The following FAM78B variants were observed in gnomAD, a reference collection of about 807,000 sequenced individuals.
FAM78B encodes the protein protein FAM78B.
In FAM78B, 10 loss-of-function variants were observed where a neutral mutation model predicts 20.0. That is an observed-to-expected ratio of 0.50 (90% CI 0.31 to 0.85). The LOEUF is 0.85. Among genes scored for constraint, FAM78B ranks in the 40% least tolerant of loss-of-function variants. The pLI, the probability that FAM78B is intolerant of heterozygous loss-of-function variation, is 0.05. For missense variants in FAM78B, 283 were observed against 345.0 expected, an observed-to-expected ratio of 0.82 and a Z score of 1.42; for synonymous variants, 135 against 132.8, an observed-to-expected ratio of 1.02 and a Z score of -0.12.
rs1553219391 is a variant in FAM78B at position 166,109,844 on chromosome 1, A to ATATG, written c.264-39082_264-39081insCATA. 4.5e-4 allele frequency among the ~76,000 whole-genome samples: 12 copies of ATATG among 26,504 alleles called. 1 individual carries two copies. The highest frequency in any genetic ancestry group is 5.9e-4 in the Non-Finnish European group (7 of 11,888). The allele number at this position is 26,504 out of a possible 152,430, so 17.4% of individuals were successfully genotyped here. ...TATATATATATATGTATATATGTATATATATATATATATATATGTATGTGT... is the reference window on the plus strand; with the variant it reads ...TATATATATATATGTATATATGTATATATGTATATATATATATATATGTATGTGT... On this transcript the variant is annotated intron_variant, in intron 1 of 1. Coordinates refer to ENST00000354422, the MANE Select transcript of FAM78B (RefSeq NM_001017961.5).
intron 1 of FAM78B, among the ~76,000 whole-genome samples, chr1:166,135,593 T>C (rs1306804663): frequency 6.6e-6 from 1 of 152,252 alleles, no homozygotes; most frequent in African/African-American, 2.4e-5. Flanking sequence ...GGTGAAGACA[T>C]TCTCCTTAAA....
At chr1:166,073,754 C>A (rs1452714881) in intron 1 of FAM78B, among the ~76,000 whole-genome samples, 1 of 152,170 alleles carries the variant, frequency 6.6e-6, no homozygotes, top group Non-Finnish European at 1.5e-5. Flanking sequence ...CTGAACTCAT[C>A]ATTTCCACCA....
Position 166,137,892 on chromosome 1 carries a change from G to A in FAM78B, c.263+28094C>T, listed in dbSNP as rs148085196. ...TCCCCACATGCAGGAATGCAGGAGG[G>A]AACCAAGGTTAACAGCAGAAACAGA... On this transcript the variant is annotated intron_variant, in intron 1 of 1. Transcript: ENST00000354422. Among the ~76,000 whole-genome samples, 579 of 152,324 alleles carry A rather than the reference G, an allele frequency of 3.8e-3. 2 individuals are homozygous for A. Among genetic ancestry groups the A allele is most frequent in the Non-Finnish European group, 6.7e-3 (455 of 68,028 alleles).
At chr1:166,106,076 A>T (rs1309048837) in intron 1 of FAM78B, among the ~76,000 whole-genome samples, 5 of 151,886 alleles carry the variant, frequency 3.3e-5, no homozygotes, top group Admixed American at 6.6e-5. Context: ...TGAAGATGGA[A>T]ACCATCATTC....
Position 166,109,839 on chromosome 1 carries a change from T to C in FAM78B, c.264-39076A>G, listed in dbSNP as rs1344886118. Among the ~76,000 whole-genome samples, 57 of 15,604 alleles carry C rather than the reference T, an allele frequency of 3.7e-3. 9 individuals carry two copies. The highest frequency in any genetic ancestry group is 6.2e-3 in the Admixed American group (9 of 1,460). The allele number at this position is 15,604 out of a possible 152,430, so 10.2% of individuals were successfully genotyped here. A position where few individuals can be genotyped will look rare whatever the true frequency, so the allele number is the denominator to read the frequency against. ...GTATATATATATATATATGTATATA[T>C]GTATATATATATATATATATATGTA... On this transcript the variant is annotated intron_variant, in intron 1 of 1. Coordinates refer to ENST00000354422, the MANE Select transcript of FAM78B (RefSeq NM_001017961.5).
chr1:166,158,896 T>C (rs1656027011), intron 1 of FAM78B, among the ~76,000 whole-genome samples: 1 of 152,278 alleles, frequency 6.6e-6, no homozygotes, highest in African/African-American at 2.4e-5. Flanking sequence ...GCTAATTTCC[T>C]GTTATTTATC....
chr1:166,152,973 G>C (rs1291624883), intron 1 of FAM78B, among the ~76,000 whole-genome samples: 1 of 152,122 alleles, frequency 6.6e-6, no homozygotes, highest in Admixed American at 6.6e-5. Flanking sequence ...CGCCCAGCTG[G>C]TACTCTGGTT....
chr1:166,090,860 G>C (rs922259885), intron 1 of FAM78B, among the ~76,000 whole-genome samples: 3 of 152,214 alleles, frequency 2.0e-5, no homozygotes, highest in African/African-American at 7.2e-5. Flanking sequence ...AGTGTTTATT[G>C]AGGGCTTACT....
intron 1 of FAM78B, among the ~76,000 whole-genome samples, chr1:166,083,787 C>T (rs1306743703): frequency 7.3e-6 from 1 of 136,904 alleles, no homozygotes; most frequent in Non-Finnish European, 1.5e-5. Flanking sequence ...CAGGCGTGAG[C>T]CACGCACCCA....
intron 1 of FAM78B, among the ~76,000 whole-genome samples, chr1:166,096,896 C>A (rs745850955): frequency 6.6e-6 from 1 of 152,134 alleles, no homozygotes. Context: ...CAGCTCTGGA[C>A]AGAGCAGCGG....
intron 1 of FAM78B, among the ~76,000 whole-genome samples, chr1:166,085,246 T>C (rs1652778771): frequency 6.6e-6 from 1 of 152,186 alleles, no homozygotes; most frequent in Admixed American, 6.5e-5. Context: ...TTTTTGTGGC[T>C]GAATCTAATG....
intron 1 of FAM78B, among the ~76,000 whole-genome samples, chr1:166,128,192 C>T (rs1388197711): frequency 7.6e-6 from 1 of 131,668 alleles, no homozygotes; most frequent in African/African-American, 2.9e-5. Context: ...TGCAGTTCAT[C>T]TCCTTTTATT....
At chr1:166,077,772 TTA>T (rs1369769454) in intron 1 of FAM78B, among the ~76,000 whole-genome samples, 6 of 137,450 alleles carry the variant, frequency 4.4e-5, no homozygotes, top group Non-Finnish European at 9.2e-5. Context: ...TATATATGAA[TTA>T]TATATAATAA....
At chr1:166,121,510 C>A (rs1029305662) in intron 1 of FAM78B, among the ~76,000 whole-genome samples, 8 of 152,278 alleles carry the variant, frequency 5.3e-5, no homozygotes, top group African/African-American at 1.9e-4. Flanking sequence ...GTGTTCTTGG[C>A]CCTTCAGAGC....
chr1:166,104,251 T>C (rs1653670345), intron 1 of FAM78B, among the ~76,000 whole-genome samples: 2 of 152,228 alleles, frequency 1.3e-5, no homozygotes, highest in African/African-American at 4.8e-5. Context: ...AATATCATAT[T>C]GAATGGGCAA....
At chr1:166,117,010 A>C (rs1233229095) in intron 1 of FAM78B, among the ~76,000 whole-genome samples, 1 of 152,194 alleles carries the variant, frequency 6.6e-6, no homozygotes, top group Non-Finnish European at 1.5e-5. Flanking sequence ...TAAAGTAATA[A>C]ATGAAACCTA....
chr1:166,108,522 A>G (rs1653875188), intron 1 of FAM78B, among the ~76,000 whole-genome samples: 1 of 152,204 alleles, frequency 6.6e-6, no homozygotes, highest in Non-Finnish European at 1.5e-5. Flanking sequence ...GACATGAACA[A>G]ATGGAAACAC....
chr1:166,104,511 G>T (rs1653681213), intron 1 of FAM78B, among the ~76,000 whole-genome samples: 1 of 152,146 alleles, frequency 6.6e-6, no homozygotes, highest in South Asian at 2.1e-4. Context: ...CAAAGTCTCA[G>T]GATACAAAAT....
chr1:166,144,517 G>A (rs974025352), intron 1 of FAM78B, among the ~76,000 whole-genome samples: 5 of 152,162 alleles, frequency 3.3e-5, no homozygotes, highest in Admixed American at 2.0e-4. Context: ...CTGTCCAAAG[G>A]TGGGAGACAG....
Sources: gnomAD v4.1 joint callset for allele counts (sites outside exome capture counted in the v4.1 genomes callset) on GRCh38, gnomAD v4.1.1 for gene constraint, MANE v1.5 for transcripts, NCBI Gene and HGNC (gene_info 2026-07-23, HGNC 2026-07-21) for gene names.